DNAH17: variants seen among roughly 807,000 people sequenced by gnomAD.
DNAH17 encodes the protein dynein axonemal heavy chain 17.
In DNAH17, 376 loss-of-function variants were observed where a neutral mutation model predicts 485.6. The observed-to-expected ratio is 0.77, with a 90% CI of 0.71 to 0.84. DNAH17 has a LOEUF of 0.84. Ranked by LOEUF, DNAH17 falls within the 40% of genes least tolerant of loss-of-function variation. DNAH17 has a pLI of 0.00. For synonymous variants in DNAH17, 3,031 were observed against 2,405.9 expected, an observed-to-expected ratio of 1.26 and a Z score of -7.60; for missense variants, 6,370 against 5,839.3, an observed-to-expected ratio of 1.09 and a Z score of -2.96.
At chr17:78,431,171 A>G (rs889050070) in intron 75 of DNAH17, among the ~76,000 whole-genome samples, 1 of 144,944 alleles carries the variant, frequency 6.9e-6, no homozygotes, top group East Asian at 2.0e-4. Flanking sequence ...GGGCCACTGC[A>G]CTCGGCTTAG....
intron 38 of DNAH17, 42 bp downstream of exon 38, chr17:78,495,833 C>A (rs1309467483): frequency 1.3e-6 from 2 of 1,593,450 alleles, no homozygotes; most frequent in African/African-American, 2.7e-5. Context: ...CTGTGGCCGG[C>A]CTGGCTCACT....
intron 20 of DNAH17, 64 bp downstream of exon 20, chr17:78,532,418 C>T: frequency 2.0e-6 from 3 of 1,523,436 alleles, no homozygotes; most frequent in Non-Finnish European, 2.6e-6. Context: ...TTAAAGCAAG[C>T]CTGGTGATCC....
intron 48 of DNAH17, among the ~76,000 whole-genome samples, chr17:78,481,376 A>G (rs1197081209): frequency 6.6e-6 from 1 of 152,020 alleles, no homozygotes; most frequent in African/African-American, 2.4e-5. Context: ...TGCTGGGATT[A>G]CTCCATGTGG....
At chr17:78,515,074 G>A (rs1249250838) in intron 25 of DNAH17, 52 bp from the exon 26 acceptor site, 6 of 1,601,178 alleles carry the variant, frequency 3.7e-6, no homozygotes, top group Non-Finnish European at 5.1e-6. Flanking sequence ...GGAGAATTCA[G>A]GAAGAAAACC....
chr17:78,449,743 T>C (rs1380950007), intron 68 of DNAH17, 159 bp from the exon 69 acceptor site: 1 of 698,594 alleles, frequency 1.4e-6, no homozygotes. Flanking sequence ...AGTGGCGTGA[T>C]CTTGGCTCAC....
intron 26 of DNAH17, 91 bp from the exon 27 acceptor site, chr17:78,510,597 C>G: frequency 6.5e-7 from 1 of 1,549,116 alleles, no homozygotes; most frequent in East Asian, 2.3e-5. Context: ...GAGCCATTGC[C>G]GGGGCACGAT....
In DNAH17 at chr17:78,491,517, T is replaced by TG; in HGVS notation, c.6594dup (p.Lys2199GlnfsTer6). The TG allele has an allele frequency of 6.2e-7, 1 of 1,613,938 alleles. No individual in the cohort carries two copies. Among genetic ancestry groups the TG allele is most frequent in the Non-Finnish European group, 8.5e-7 (1 of 1,179,954 alleles). On this transcript the variant is annotated frameshift_variant, in exon 43 of 81. Coordinates refer to ENST00000389840, the MANE Select transcript of DNAH17 (RefSeq NM_173628.4). LOFTEE classifies it high-confidence loss of function. ...ATGTCTCCGTCAAGGATGATCCACT[T>TG]GGGGCCGTCATGGGTGATGTTGGCC... is the stretch of plus-strand genomic sequence containing the variant.
At chr17:78,507,184 C>A (rs1237779836) in intron 29 of DNAH17, 94 bp downstream of exon 29, 5 of 1,449,032 alleles carry the variant, frequency 3.5e-6, no homozygotes, top group Admixed American at 1.9e-5. Context: ...CCTGTCCTGG[C>A]CAGCAGGCTG....
chr17:78,459,436 A>G (rs926586062), intron 60 of DNAH17, among the ~76,000 whole-genome samples: 1 of 152,176 alleles, frequency 6.6e-6, no homozygotes, highest in African/African-American at 2.4e-5. Context: ...CAGGAGACTG[A>G]AACTATAAGG....
At chr17:78,460,365 C>G (rs1245863509) in intron 58 of DNAH17, 108 bp from the exon 59 acceptor site, 1 of 907,284 alleles carries the variant, frequency 1.1e-6, no homozygotes, top group Non-Finnish European at 1.6e-6. Flanking sequence ...CATGTATGCA[C>G]GTGCATGAGT....
chr17:78,539,640 T>C lies in DNAH17; in HGVS notation c.2676+97A>G. On this transcript the variant is annotated intron_variant, in intron 18 of 80. Coordinates refer to ENST00000389840, the MANE Select transcript of DNAH17 (RefSeq NM_173628.4). ...AGATATATTTTAATAAGTCTATTTA[T>C]AAAATGATAGCCTGTTCATCAAGAA... The C allele has an allele frequency of 5.5e-6, 6 of 1,086,678 alleles. No homozygotes were observed. In the South Asian group the frequency reaches 8.3e-5, roughly 15 times the overall value. 67.3% of individuals were successfully genotyped at this position (1,086,678 alleles called of 1,614,324 possible). A position where few individuals can be genotyped will look rare whatever the true frequency, so the allele number is the denominator to read the frequency against.
At chr17:78,484,739 A>ACCCCCCTGCCGCCCCCCCCCCCCCCCCCC in intron 48 of DNAH17, 129 bp downstream of exon 48, 1 of 347,798 alleles carries the variant, frequency 2.9e-6, no homozygotes, top group South Asian at 4.2e-5. Context: ...ACGTTGCAGC[A>ACCCCCCTGCCGCCCCCCCCCCCCCCCCCC]CCCCCCCCAC....
intron 55 of DNAH17, 137 bp downstream of exon 55, chr17:78,468,480 C>A (rs951289897): frequency 5.0e-6 from 6 of 1,190,810 alleles, no homozygotes; most frequent in Non-Finnish European, 6.9e-6. Context: ...CAGCCCCACC[C>A]CTCACACTCT....
rs779072025 is a variant in DNAH17 at position 78,558,292 on chromosome 17, G to A, written c.2032-38C>T. 9 of 1,607,426 alleles carry A rather than the reference G, an allele frequency of 5.6e-6. No individual in the cohort carries two copies. In the East Asian group the frequency reaches 1.1e-4, roughly 20 times the overall value. On this transcript the variant is annotated intron_variant, in intron 13 of 80. Coordinates refer to ENST00000389840, the MANE Select transcript of DNAH17 (RefSeq NM_173628.4). ...CGAAGATCAAAGAACATGTCAGCAGGTCAGGTCAACAGTGCAGTGTTCAAG... is the reference window on the plus strand; with the variant it reads ...CGAAGATCAAAGAACATGTCAGCAGATCAGGTCAACAGTGCAGTGTTCAAG...
rs750422154 is a variant in DNAH17, at chr17:78,463,043, G to A, written c.8975C>T (p.Ser2992Phe). The A allele has an allele frequency of 3.1e-6, 5 of 1,613,760 alleles. No homozygotes were observed. The highest frequency in any genetic ancestry group is 1.7e-5 in the Admixed American group (1 of 59,982). The change falls in exon 57 of 81, where the codon TCC becomes TTC. Residue 2992 changes from serine to phenylalanine, a missense_variant. Physicochemically the swap from Ser to Phe is radical, Grantham distance 155. Coordinates refer to ENST00000389840, the MANE Select transcript of DNAH17 (RefSeq NM_173628.4). ...CTCGTTGACGGTGGTGTGCACGTAG[G>A]ACATGAAGAAGCTGATGGAGGCCTT... ...EVKASISFFM[S>F]YVHTTVNEMS... is the part of the protein sequence containing the mutation.
chr17:78,493,956 G>C, intron 41 of DNAH17, 80 bp downstream of exon 41: 1 of 1,507,386 alleles, frequency 6.6e-7, no homozygotes, highest in Non-Finnish European at 8.9e-7. Flanking sequence ...GTGGCGGGGA[G>C]TGATGGAGGG....
At chr17:78,526,600 G>T (rs1401097488) in intron 24 of DNAH17, 51 bp downstream of exon 24, 1 of 1,444,582 alleles carries the variant, frequency 6.9e-7, no homozygotes, top group South Asian at 1.3e-5. Flanking sequence ...AGAAAAGAAA[G>T]CAGTGGGGTT....
chr17:78,438,309 AG>A (rs1366657893), intron 73 of DNAH17, among the ~76,000 whole-genome samples: 3 of 145,874 alleles, frequency 2.1e-5, no homozygotes, highest in East Asian at 2.2e-4. Context: ...GGTAGTGAGA[AG>A]GGGTCTTGGA....
At chr17:78,575,309 A>C (rs558216437) in intron 1 of DNAH17, among the ~76,000 whole-genome samples, 18 of 152,320 alleles carry the variant, frequency 1.2e-4, no homozygotes, top group Admixed American at 5.9e-4. Context: ...GAGGCTGCCC[A>C]AAAGTGGTGT....
Sources: gnomAD v4.1 joint callset for allele counts (sites outside exome capture counted in the v4.1 genomes callset) on GRCh38, gnomAD v4.1.1 for gene constraint, MANE v1.5 for transcripts, NCBI Gene and HGNC (gene_info 2026-07-23, HGNC 2026-07-21) for gene names.